MACROD1: variants seen among roughly 807,000 people sequenced by gnomAD.
MACROD1 encodes ADP-ribose glycohydrolase MACROD1.
MACROD1 carries 31 observed loss-of-function variants against 41.4 expected under a neutral mutation model. The ratio of observed to expected loss-of-function variants is 0.75; its 90% confidence interval spans 0.56 to 1.01. The LOEUF is 1.01. Among genes scored for constraint, MACROD1 ranks in the 50% least tolerant of loss-of-function variants. The pLI is 0.00. For missense variants in MACROD1, 473 were observed against 460.0 expected, an observed-to-expected ratio of 1.03 and a Z score of -0.26; for synonymous variants, 252 against 203.4, an observed-to-expected ratio of 1.24 and a Z score of -2.03.
chr11:64,031,495 T>G (rs1189409951), intron 3 of MACROD1, among the ~76,000 whole-genome samples: 1 of 146,708 alleles, frequency 6.8e-6, no homozygotes, highest in Non-Finnish European at 1.5e-5. Context: ...TTTTTTTTTT[T>G]GTGACGTAGT....
chr11:64,049,259 A>G (rs1242860056), intron 3 of MACROD1, among the ~76,000 whole-genome samples: 1 of 152,096 alleles, frequency 6.6e-6, no homozygotes, highest in Non-Finnish European at 1.5e-5. Context: ...GTAGTAGGAA[A>G]CTGAGGCACA....
At chr11:64,047,457 C>T (rs191736684) in intron 3 of MACROD1, among the ~76,000 whole-genome samples, 30 of 152,258 alleles carry the variant, frequency 2.0e-4, no homozygotes, top group Non-Finnish European at 3.8e-4. Context: ...CCCCAGCAGC[C>T]GTAAAGCAGG....
At chr11:64,015,065 GC>G (rs1483175446) in intron 4 of MACROD1, among the ~76,000 whole-genome samples, 186 bp downstream of exon 4, 1 of 152,170 alleles carries the variant, frequency 6.6e-6, no homozygotes, top group African/African-American at 2.4e-5. Context: ...GGCCCAGGTT[GC>G]CTGGTGGTGA....
chr11:64,125,235 T>A (rs1945160329), intron 3 of MACROD1, among the ~76,000 whole-genome samples: 1 of 151,596 alleles, frequency 6.6e-6, no homozygotes, highest in Non-Finnish European at 1.5e-5. Flanking sequence ...ACTGTGGCCA[T>A]CTGAGTGGGC....
chr11:63,999,245 C>A, intron 8 of MACROD1, 86 bp downstream of exon 8: 1 of 1,496,192 alleles, frequency 6.7e-7, no homozygotes, highest in South Asian at 1.2e-5. Flanking sequence ...GCCCTGCGCT[C>A]TGCACCCTGA....
At chr11:64,045,529 GCCTC>G (rs1943568360) in intron 3 of MACROD1, among the ~76,000 whole-genome samples, 1 of 152,152 alleles carries the variant, frequency 6.6e-6, no homozygotes, top group Admixed American at 6.5e-5. Context: ...CCCTATCCCA[GCCTC>G]TGGGTCACTT....
chr11:64,110,666 C>T (rs1190176918), intron 3 of MACROD1, among the ~76,000 whole-genome samples: 3 of 152,048 alleles, frequency 2.0e-5, no homozygotes, highest in African/African-American at 7.2e-5. Flanking sequence ...CCCCGTGGCC[C>T]GCTAAGGATC....
At chr11:64,098,233 C>T (rs1051975672) in intron 3 of MACROD1, among the ~76,000 whole-genome samples, 1 of 152,182 alleles carries the variant, frequency 6.6e-6, no homozygotes, top group Non-Finnish European at 1.5e-5. Context: ...AAGACCAGGC[C>T]CCTCAGTGCA....
chr11:64,149,153 A>T (rs1490730539), intron 3 of MACROD1: 2 of 387,258 alleles, frequency 5.2e-6, no homozygotes, highest in Non-Finnish European at 7.1e-6. Context: ...CACCGCTGGG[A>T]CAGGGGTGAT....
At chr11:64,010,529 G>A (rs528776826) in intron 4 of MACROD1, among the ~76,000 whole-genome samples, 26 of 150,864 alleles carry the variant, frequency 1.7e-4, no homozygotes, top group South Asian at 4.2e-4. Flanking sequence ...TGGTTGGGGC[G>A]TTGGCTGGCA....
chr11:64,112,366 T>C (rs1188955713), intron 3 of MACROD1, among the ~76,000 whole-genome samples: 3 of 151,870 alleles, frequency 2.0e-5, no homozygotes, highest in Non-Finnish European at 4.4e-5. Flanking sequence ...TACAAAAAAT[T>C]AGCTGGGCAT....
intron 10 of MACROD1, 21 bp from the exon 11 acceptor site, chr11:63,998,708 G>A (rs1942757728): frequency 7.2e-7 from 1 of 1,396,032 alleles, no homozygotes; most frequent in African/African-American, 1.5e-5. Context: ...AGCAGAGTCA[G>A]AGGTGTCTAT....
chr11:64,084,807 G>A (rs371822468), intron 3 of MACROD1, among the ~76,000 whole-genome samples: 19 of 152,300 alleles, frequency 1.2e-4, no homozygotes, highest in East Asian at 5.8e-4. Flanking sequence ...ACCAAGAACC[G>A]TAGCCCCAAG....
chr11:64,152,939 C>G (rs923026860), intron 1 of MACROD1, among the ~76,000 whole-genome samples: 3 of 152,220 alleles, frequency 2.0e-5, no homozygotes, highest in Non-Finnish European at 4.4e-5. Flanking sequence ...ACATCCCCCC[C>G]GGCAGCGGCT....
At chr11:64,100,587 G>C (rs1322804166) in intron 3 of MACROD1, among the ~76,000 whole-genome samples, 1 of 152,190 alleles carries the variant, frequency 6.6e-6, no homozygotes. Context: ...GTGTCTGCCA[G>C]GCGCACGCAT....
At chr11:64,025,295 C>T (rs912000574) in intron 3 of MACROD1, among the ~76,000 whole-genome samples, 3 of 152,158 alleles carry the variant, frequency 2.0e-5, no homozygotes, top group Non-Finnish European at 2.9e-5. Context: ...GGAGTTTGCA[C>T]GAGGAAAGAG....
Position 64,066,442 on chromosome 11 carries a change from C to T in MACROD1, c.518-51161G>A, listed in dbSNP as rs191798543. Among the ~76,000 whole-genome samples, 579 of 151,278 alleles carry T rather than the reference C, an allele frequency of 3.8e-3. 4 individuals carry two copies. The highest frequency in any genetic ancestry group is 6.3e-3 in the Non-Finnish European group (426 of 67,828). ...AGCCTGGGCAACAAAGCAAGAACCC[C>T]GCTATCTCTACAAAAAATTTTAAAA... On this transcript the variant is annotated intron_variant, in intron 3 of 10. Transcript: ENST00000255681.
intron 3 of MACROD1, among the ~76,000 whole-genome samples, chr11:64,105,957 C>T (rs1045489940): frequency 6.4e-5 from 6 of 93,188 alleles, no homozygotes; most frequent in South Asian, 4.1e-4. Flanking sequence ...GGGTTCCATC[C>T]GTGAGTGTAT....
intron 3 of MACROD1, among the ~76,000 whole-genome samples, chr11:64,021,933 C>A (rs7127558): frequency 1.8e-4 from 1 of 5,488 alleles, no homozygotes; most frequent in African/African-American, 4.2e-4. Flanking sequence ...GGCAGGGGGC[C>A]GGGGGGGGGG....
Sources: allele counts gnomAD v4.1 joint callset (sites outside exome capture counted in the v4.1 genomes callset), GRCh38; gene constraint gnomAD v4.1.1; transcripts MANE v1.5; gene names NCBI Gene and HGNC (gene_info 2026-07-23, HGNC 2026-07-21).